TRPM3: variants seen among roughly 807,000 people sequenced by gnomAD.
The protein encoded by TRPM3 is transient receptor potential cation channel subfamily M member 3.
A neutral mutation model predicts 181.2 loss-of-function variants in TRPM3; 77 were observed. That is an observed-to-expected ratio of 0.42 (90% CI 0.35 to 0.51). The LOEUF is 0.51. TRPM3 is among the 20% of genes least tolerant of loss of function. TRPM3 has a pLI of 0.01. For missense variants in TRPM3, 1,759 were observed against 2,196.7 expected, an observed-to-expected ratio of 0.80 and a Z score of 3.98; for synonymous variants, 745 against 796.4, an observed-to-expected ratio of 0.94 and a Z score of 1.09.
chr9:71,442,093 A>G (rs1048133720), intron 1 of TRPM3, among the ~76,000 whole-genome samples: 11 of 152,222 alleles, frequency 7.2e-5, no homozygotes, highest in African/African-American at 2.7e-4. Context: ...TGAGAAGAGT[A>G]GCTTTGGTAA....
intron 1 of TRPM3, among the ~76,000 whole-genome samples, chr9:71,025,794 C>G (rs1285054368): frequency 6.6e-6 from 1 of 152,120 alleles, no homozygotes; most frequent in Admixed American, 6.5e-5. Flanking sequence ...CTAAACACAG[C>G]CAGGAGGAAC....
intron 1 of TRPM3, among the ~76,000 whole-genome samples, chr9:71,372,859 T>A (rs2092561122): frequency 6.6e-6 from 1 of 152,078 alleles, no homozygotes; most frequent in Non-Finnish European, 1.5e-5. Context: ...AATATTTACC[T>A]CTATCATATG....
At chr9:71,077,348 A>G (rs1713268809) in intron 1 of TRPM3, among the ~76,000 whole-genome samples, 1 of 152,214 alleles carries the variant, frequency 6.6e-6, no homozygotes, top group Non-Finnish European at 1.5e-5. Context: ...GGTTAGGGAC[A>G]AACGTTATTA....
chr9:70,818,541 A>C (rs377296179), intron 6 of TRPM3, among the ~76,000 whole-genome samples: 1 of 152,202 alleles, frequency 6.6e-6, no homozygotes, highest in African/African-American at 2.4e-5. Flanking sequence ...TCTGACAGGA[A>C]GGTGCTCAGC....
intron 1 of TRPM3, among the ~76,000 whole-genome samples, chr9:71,400,460 T>G (rs1343109417): frequency 6.6e-6 from 1 of 152,252 alleles, no homozygotes; most frequent in Non-Finnish European, 1.5e-5. Flanking sequence ...ATTCTGTTAC[T>G]GTTGAAACCC....
At chr9:70,793,486 AT>A (rs1244394862) in intron 6 of TRPM3, 13,547 of 158,828 alleles carry the variant, frequency 0.085, 715 homozygotes, top group South Asian at 0.14. Flanking sequence ...ATATATATAT[AT>A]ATATAAAACA....
chr9:70,766,067 G>C (rs538405887), intron 7 of TRPM3, among the ~76,000 whole-genome samples: 1 of 152,228 alleles, frequency 6.6e-6, no homozygotes, highest in African/African-American at 2.4e-5. Context: ...AGAGGGTTTT[G>C]TGATAGGAGG....
chr9:71,358,422 AAATCAACAC>A (rs986530879), intron 1 of TRPM3, among the ~76,000 whole-genome samples: 11 of 152,272 alleles, frequency 7.2e-5, no homozygotes, highest in African/African-American at 2.6e-4. Flanking sequence ...GGGCTAAGTA[AAATCAACAC>A]AATCAGCAAT....
At chr9:71,062,451 AT>A (rs1488728071) in intron 1 of TRPM3, among the ~76,000 whole-genome samples, 2 of 152,136 alleles carry the variant, frequency 1.3e-5, no homozygotes, top group African/African-American at 2.4e-5. Context: ...AAGAACATCA[AT>A]ACAAACACAG....
At position 70,593,098 on chromosome 9, in the gene TRPM3, G is replaced by A. The variant is rs1009430709; in HGVS notation, c.3049-1893C>T. ...TTATAGCCTTCCTTGTATGCCTTAG[G>A]ACACTGGGGTCTAATCAATTTTCAA... On this transcript the variant is annotated intron_variant, in intron 21 of 25. Transcript: ENST00000677713. Among the ~76,000 whole-genome samples the A allele has an allele frequency of 3.9e-5, 6 of 152,260 alleles. No individual in the cohort carries two copies. The South Asian group carries it at 1.2e-3, about 32-fold the overall frequency.
At chr9:70,603,313 C>G (rs574436538) in intron 20 of TRPM3, 29 bp downstream of exon 20, 7 of 1,606,180 alleles carry the variant, frequency 4.4e-6, no homozygotes, top group Non-Finnish European at 6.0e-6. Flanking sequence ...CTGTCTTTCT[C>G]TTACGTTTTC....
intron 1 of TRPM3, among the ~76,000 whole-genome samples, chr9:71,221,335 A>C (rs2080227915): frequency 6.6e-6 from 1 of 152,262 alleles, no homozygotes; most frequent in Admixed American, 6.5e-5. Context: ...AGTAAAATAT[A>C]GTGTAATTTT....
intron 6 of TRPM3, among the ~76,000 whole-genome samples, chr9:70,794,024 C>T (rs878982427): frequency 6.6e-6 from 1 of 152,032 alleles, no homozygotes; most frequent in Admixed American, 6.6e-5. Flanking sequence ...GGACATAACC[C>T]CATCATAATT....
chr9:71,090,165 T>C (rs1591335743), intron 1 of TRPM3, among the ~76,000 whole-genome samples: 3 of 152,094 alleles, frequency 2.0e-5, no homozygotes, highest in South Asian at 4.2e-4. Flanking sequence ...TGGGAAGAGA[T>C]AAACCTACCT....
At chr9:70,915,815 T>C (rs1055469599) in intron 1 of TRPM3, among the ~76,000 whole-genome samples, 1 of 151,874 alleles carries the variant, frequency 6.6e-6, no homozygotes, top group African/African-American at 2.4e-5. Flanking sequence ...GGGTAGAAAG[T>C]TTATTGAAAG....
chr9:71,044,038 A>T (rs1000338590), intron 1 of TRPM3, among the ~76,000 whole-genome samples: 2 of 151,752 alleles, frequency 1.3e-5, no homozygotes. Flanking sequence ...CTTTTTCATG[A>T]ACTCCCCTCC....
At chr9:70,906,356 G>A (rs913017696) in intron 1 of TRPM3, among the ~76,000 whole-genome samples, 5 of 152,116 alleles carry the variant, frequency 3.3e-5, no homozygotes, top group African/African-American at 4.8e-5. Flanking sequence ...AATTAGCCTC[G>A]AATATGAGCC....
chr9:71,387,900 TATAAC>T (rs1308359233), intron 1 of TRPM3, among the ~76,000 whole-genome samples: 1 of 152,206 alleles, frequency 6.6e-6, no homozygotes, highest in South Asian at 2.1e-4. Flanking sequence ...TCTATTATGT[TATAAC>T]ATACTTTTCT....
chr9:70,555,250 A>G (rs1451285855), intron 22 of TRPM3, among the ~76,000 whole-genome samples: 2 of 152,094 alleles, frequency 1.3e-5, no homozygotes. Flanking sequence ...GGCTTTCCAA[A>G]GCCCACCCAG....
Sources: allele counts gnomAD v4.1 joint callset (sites outside exome capture counted in the v4.1 genomes callset), GRCh38; gene constraint gnomAD v4.1.1; transcripts MANE v1.5; gene names NCBI Gene and HGNC (gene_info 2026-07-23, HGNC 2026-07-21).